SHISA9: variants seen among roughly 807,000 people sequenced by gnomAD.
The protein encoded by SHISA9 is shisa family member 9, also known as protein shisa-9.
In SHISA9, 13 loss-of-function variants were observed where a neutral mutation model predicts 38.0. The observed-to-expected ratio is 0.34, with a 90% confidence interval of 0.22 to 0.54. The LOEUF (loss-of-function observed/expected upper bound fraction) is 0.54, where lower values mean the gene tolerates loss of function less well. SHISA9 is among the 20% of genes least tolerant of loss of function. SHISA9 has a pLI of 0.91. For missense variants in SHISA9, 538 were observed against 575.8 expected, an observed-to-expected ratio of 0.93 and a Z score of 0.67; for synonymous variants, 275 against 242.0, an observed-to-expected ratio of 1.14 and a Z score of -1.27.
chr16:13,395,206 CT>C, the SHISA9 span, among the ~76,000 whole-genome samples: 3 of 152,140 alleles, frequency 2.0e-5, no homozygotes, highest in Non-Finnish European at 4.4e-5. Flanking sequence ...GTCCCAATTT[CT>C]GGGCTCTTGG....
At chr16:13,107,577 A>G (rs917295654) in intron 2 of SHISA9, among the ~76,000 whole-genome samples, 27 of 152,092 alleles carry the variant, frequency 1.8e-4, no homozygotes, top group Admixed American at 1.4e-3. Context: ...CAAGGTGAAG[A>G]TAGGTCCAGA....
Position 12,945,008 on chromosome 16 carries a change from T to C in SHISA9, c.691+28193T>C, listed in dbSNP as rs754376414. 3.3e-5 allele frequency among the ~76,000 whole-genome samples: 5 copies of C among 152,094 alleles called. No individual in the cohort carries two copies. The East Asian group carries it at 7.7e-4, about 24-fold the overall frequency. Reference sequence around the variant, plus strand: ...GGAGCAAGAAGAACGTGCCCCAGAGTCATTGCAATTGAAGAGCAAGGAAGC... The same window carrying C: ...GGAGCAAGAAGAACGTGCCCCAGAGCCATTGCAATTGAAGAGCAAGGAAGC... On this transcript the variant is annotated intron_variant, in intron 2 of 4. Coordinates refer to ENST00000558583, the MANE Select transcript of SHISA9 (RefSeq NM_001145204.3).
the SHISA9 span, among the ~76,000 whole-genome samples, chr16:13,417,769 T>C: frequency 6.6e-6 from 1 of 152,190 alleles, no homozygotes; most frequent in African/African-American, 2.4e-5. Flanking sequence ...AACAGCTCAC[T>C]GTAGCTTCCC....
chr16:13,345,731 T>C, the SHISA9 span, among the ~76,000 whole-genome samples: 2 of 152,190 alleles, frequency 1.3e-5, no homozygotes, highest in Non-Finnish European at 1.5e-5. Context: ...TGTATAAGTG[T>C]TTCTTTTTCT....
At chr16:13,274,782 T>A in the SHISA9 span, among the ~76,000 whole-genome samples, 1 of 152,142 alleles carries the variant, frequency 6.6e-6, no homozygotes, top group Non-Finnish European at 1.5e-5. Flanking sequence ...ATGATAGCCA[T>A]CCTTTGGAGG....
the SHISA9 span, among the ~76,000 whole-genome samples, chr16:13,503,728 T>C: frequency 6.6e-6 from 1 of 152,048 alleles, no homozygotes; most frequent in African/African-American, 2.4e-5. Flanking sequence ...CCACCACAGA[T>C]TCATCCTAAA....
At chr16:13,069,157 GTA>G (rs547630337) in intron 2 of SHISA9, among the ~76,000 whole-genome samples, 10 of 151,012 alleles carry the variant, frequency 6.6e-5, no homozygotes, top group South Asian at 4.2e-4. Flanking sequence ...GCATGTATGT[GTA>G]TATATGTGTG....
chr16:13,477,693 G>A, the SHISA9 span, among the ~76,000 whole-genome samples: 32 of 152,280 alleles, frequency 2.1e-4, no homozygotes, highest in African/African-American at 6.3e-4. Flanking sequence ...GGCCAGGCGC[G>A]ATGGCTCATG....
chr16:13,169,295 A>T (rs2050665061), intron 2 of SHISA9, among the ~76,000 whole-genome samples: 1 of 152,192 alleles, frequency 6.6e-6, no homozygotes, highest in Admixed American at 6.5e-5. Context: ...AAATAGTGAA[A>T]ACAACACCAT....
At chr16:12,904,859 G>A (rs150777728) in intron 1 of SHISA9, among the ~76,000 whole-genome samples, 134 of 152,248 alleles carry the variant, frequency 8.8e-4, no homozygotes, top group Middle Eastern at 6.8e-3. Flanking sequence ...GGTGGGACCT[G>A]AGCATCTGTA....
At chr16:13,032,631 G>A (rs2073005575) in intron 2 of SHISA9, among the ~76,000 whole-genome samples, 1 of 152,180 alleles carries the variant, frequency 6.6e-6, no homozygotes. Context: ...GAAGTAAAGT[G>A]CCTTGTACAG....
chr16:12,988,660 G>C (rs1035693915), intron 2 of SHISA9, among the ~76,000 whole-genome samples: 5 of 152,008 alleles, frequency 3.3e-5, no homozygotes, highest in Non-Finnish European at 7.4e-5. Flanking sequence ...GAGTAGCTGA[G>C]ATTATAGGCG....
At chr16:12,938,751 C>A (rs1349491359) in intron 2 of SHISA9, among the ~76,000 whole-genome samples, 2 of 152,022 alleles carry the variant, frequency 1.3e-5, no homozygotes, top group Non-Finnish European at 2.9e-5. Context: ...GATCTACCCA[C>A]CTCAGCCTCC....
In SHISA9 at chr16:13,210,572, C is replaced by T. The variant is rs186995279; in HGVS notation, c.848-2681C>T. On this transcript the variant is annotated intron_variant, in intron 3 of 4. Transcript: ENST00000558583. The stretch of plus-strand genomic sequence containing the variant: ...ATACACTTCAATATGGCAGGAATTC[C>T]CTCTTTACTCTTGGAATCATGAGTG... Among the ~76,000 whole-genome samples, 20 of 152,268 alleles carry T rather than the reference C, an allele frequency of 1.3e-4. No individual in the cohort carries two copies. The East Asian group carries it at 3.5e-3, about 26-fold the overall frequency.
rs114883954 is a variant in SHISA9 at position 12,982,063 on chromosome 16, G to A, written c.691+65248G>A. On this transcript the variant is annotated intron_variant, in intron 2 of 4. Coordinates refer to ENST00000558583, the MANE Select transcript of SHISA9 (RefSeq NM_001145204.3). ...CTTTCAAATTAGACTTATGGTCGTT[G>A]AATGCGATTACTATACGCCAGGCAC... Among the ~76,000 whole-genome samples, 898 of 152,320 alleles carry A rather than the reference G, an allele frequency of 5.9e-3. 11 individuals carry two copies. Among genetic ancestry groups the A allele is most frequent in the African/African-American group, 0.021 (858 of 41,566 alleles).
At chr16:13,355,236 C>T in the SHISA9 span, among the ~76,000 whole-genome samples, 1 of 150,456 alleles carries the variant, frequency 6.6e-6, no homozygotes, top group African/African-American at 2.4e-5. Context: ...AGTTTATAGG[C>T]TTTAAAAGGC....
At chr16:12,909,862 C>T (rs923149629) in intron 1 of SHISA9, 1 of 152,248 alleles carries the variant, frequency 6.6e-6, no homozygotes, top group African/African-American at 2.4e-5. Flanking sequence ...TTCCTTCCTT[C>T]CTTCCTTCCT....
the SHISA9 span, among the ~76,000 whole-genome samples, chr16:13,390,407 C>G: frequency 6.6e-6 from 1 of 152,178 alleles, no homozygotes; most frequent in Non-Finnish European, 1.5e-5. Flanking sequence ...TGGTCCAGTT[C>G]TGTCTCACTG....
intron 2 of SHISA9, among the ~76,000 whole-genome samples, chr16:13,016,961 A>G (rs745392148): frequency 6.6e-6 from 1 of 151,838 alleles, no homozygotes; most frequent in East Asian, 1.9e-4. Flanking sequence ...GTGTACATGT[A>G]TGCTGGGGTC....
Sources: allele counts gnomAD v4.1 joint callset (sites outside exome capture counted in the v4.1 genomes callset), GRCh38; gene constraint gnomAD v4.1.1; transcripts MANE v1.5; gene names NCBI Gene and HGNC (gene_info 2026-07-23, HGNC 2026-07-21).